Variants in SESN1 observed in about 807,000 individuals in gnomAD.
SESN1 encodes sestrin-1.
SESN1 carries 30 observed loss-of-function variants against 59.3 expected under a neutral mutation model. The observed-to-expected ratio is 0.51, with a 90% confidence interval of 0.38 to 0.69. The LOEUF is 0.69. SESN1 is among the 30% of genes least tolerant of loss of function. The probability of loss-of-function intolerance (pLI) is 0.00; values close to 1 mark genes in which losing one functional copy is unlikely to be tolerated. For synonymous variants in SESN1, 197 were observed against 219.9 expected (o/e 0.90, Z 0.92); for missense variants, 566 against 673.0 (o/e 0.84, Z 1.76).
chr6:109,054,943 A>T (rs1780604728), intron 1 of SESN1, among the ~76,000 whole-genome samples: 1 of 152,234 alleles, frequency 6.6e-6, no homozygotes, highest in African/African-American at 2.4e-5. Flanking sequence ...CAAATTAAAT[A>T]GCAGCTCTAT....
chr6:109,037,270 G>T (rs1362919341), intron 1 of SESN1, among the ~76,000 whole-genome samples: 3 of 152,098 alleles, frequency 2.0e-5, no homozygotes, highest in East Asian at 1.9e-4. Flanking sequence ...GTCCATTAAG[G>T]TTATAAAAAT....
intron 8 of SESN1, 92 bp from the exon 9 acceptor site, chr6:108,988,779 T>C: frequency 9.7e-7 from 1 of 1,026,930 alleles, no homozygotes. Flanking sequence ...TAATACTGTA[T>C]TTTTTCTCTC....
chr6:109,011,501 C>T (rs1779857304), intron 1 of SESN1, among the ~76,000 whole-genome samples: 1 of 152,118 alleles, frequency 6.6e-6, no homozygotes, highest in Non-Finnish European at 1.5e-5. Context: ...TCAAAGAGTA[C>T]TAATTTCTTG....
chr6:108,995,367 T>C (rs1779483285), intron 5 of SESN1, among the ~76,000 whole-genome samples: 1 of 152,232 alleles, frequency 6.6e-6, no homozygotes, highest in Admixed American at 6.5e-5. Flanking sequence ...GCTTTATTTC[T>C]ACAATTTACC....
At chr6:109,002,415 G>A in intron 1 of SESN1, 72 bp from the exon 2 acceptor site, 1 of 1,235,846 alleles carries the variant, frequency 8.1e-7, no homozygotes, top group Non-Finnish European at 1.2e-6. Flanking sequence ...AGGAATGGGA[G>A]GGAAAAACAA....
chr6:108,993,302 T>C (rs964665530), intron 6 of SESN1, among the ~76,000 whole-genome samples: 4 of 152,224 alleles, frequency 2.6e-5, no homozygotes, highest in African/African-American at 9.6e-5. Flanking sequence ...TAATGACATA[T>C]AATATGTAAC....
intron 7 of SESN1, among the ~76,000 whole-genome samples, chr6:108,992,184 A>G (rs1779399947): frequency 6.6e-6 from 1 of 152,162 alleles, no homozygotes; most frequent in African/African-American, 2.4e-5. Context: ...CCGCAGCCTC[A>G]ACCTTCCAGG....
At chr6:109,009,572 G>A in intron 1 of SESN1, 1 of 1,102,026 alleles carries the variant, frequency 9.1e-7, no homozygotes, top group Non-Finnish European at 1.1e-6. Context: ...GCGGGGCGGC[G>A]CCGACAAACA....
chr6:109,088,946 C>T (rs1202559116), intron 1 of SESN1, among the ~76,000 whole-genome samples: 20 of 152,168 alleles, frequency 1.3e-4, no homozygotes. Context: ...AGTACAGTGA[C>T]TGCCTGGCCC....
chr6:109,016,020 A>T (rs1451856538), intron 1 of SESN1, among the ~76,000 whole-genome samples: 3 of 152,224 alleles, frequency 2.0e-5, no homozygotes, highest in Non-Finnish European at 2.9e-5. Context: ...CATTCAAAAT[A>T]GATTAAAACC....
chr6:108,993,122 T>A (rs1779424073), intron 6 of SESN1: 1 of 434,140 alleles, frequency 2.3e-6, no homozygotes, highest in Non-Finnish European at 4.1e-6. Flanking sequence ...GAATTCTCTA[T>A]GCCTTTTATT....
rs774648213 is a variant in SESN1, at chr6:108,985,105, CATGT to C, written c.*2435_*2438del. 2.0e-5 allele frequency among the ~76,000 whole-genome samples: 3 copies of C among 152,060 alleles called. No homozygotes were observed. Among genetic ancestry groups the C allele is most frequent in the Non-Finnish European group, 4.4e-5 (3 of 68,018 alleles). On this transcript the variant is annotated 3_prime_UTR_variant, in exon 10 of 10. Coordinates refer to ENST00000436639, the MANE Select transcript of SESN1 (RefSeq NM_014454.3). ...AAATATGCTAGTAACATTTCTGATT[CATGT>C]ATGATATTCACATATATGAATATGC...
chr6:109,072,863 G>A (rs1405579067), intron 1 of SESN1, among the ~76,000 whole-genome samples: 3 of 151,336 alleles, frequency 2.0e-5, no homozygotes, highest in Non-Finnish European at 4.4e-5. Flanking sequence ...AGTTGACTAC[G>A]GAATCACCAA....
In SESN1 at chr6:108,985,550, CT is replaced by C. The variant is rs1350186408; in HGVS notation, c.*1993del. Among the ~76,000 whole-genome samples the C allele has an allele frequency of 1.3e-5, 2 of 152,154 alleles. No individual in the cohort carries two copies. Among genetic ancestry groups the C allele is most frequent in the Non-Finnish European group, 2.9e-5 (2 of 68,024 alleles). On this transcript the variant is annotated 3_prime_UTR_variant, in exon 10 of 10. Coordinates refer to ENST00000436639, the MANE Select transcript of SESN1 (RefSeq NM_014454.3). ...AAACATTAACTTTGTATCACATGCACTTTTATTACTTTAGGTATAAACATAT... is the reference window on the plus strand; with the variant it reads ...AAACATTAACTTTGTATCACATGCACTTTATTACTTTAGGTATAAACATAT...
intron 1 of SESN1, among the ~76,000 whole-genome samples, chr6:109,056,262 C>T (rs533812851): frequency 1.2e-3 from 181 of 152,118 alleles, no homozygotes; most frequent in Middle Eastern, 6.8e-3. Flanking sequence ...TAAAAATTAG[C>T]GAGGCATGGT....
At chr6:109,063,062 C>T (rs751836405) in intron 1 of SESN1, among the ~76,000 whole-genome samples, 14 of 152,102 alleles carry the variant, frequency 9.2e-5, no homozygotes, top group Non-Finnish European at 1.0e-4. Context: ...GTATACCAAA[C>T]GAATGGGTTA....
chr6:109,045,353 C>G (rs892344123), intron 1 of SESN1, among the ~76,000 whole-genome samples: 6 of 152,156 alleles, frequency 3.9e-5, no homozygotes, highest in Admixed American at 1.3e-4. Context: ...CTAGCCTATT[C>G]TCTACACTGG....
Position 109,056,713 on chromosome 6 carries a change from C to T in SESN1, c.279+37082G>A, listed in dbSNP as rs550058861. On this transcript the variant is annotated intron_variant, in intron 1 of 9. Coordinates refer to ENST00000436639, the MANE Select transcript of SESN1 (RefSeq NM_014454.3). ...TCTGCTAGCACTGTCTCTTTCCTTT[C>T]CTTCTCACTGTGTAGTACATATTTG... 1.8e-3 allele frequency among the ~76,000 whole-genome samples: 269 copies of T among 152,320 alleles called. 2 individuals are homozygous for T. The highest frequency in any genetic ancestry group is 2.5e-3 in the Non-Finnish European group (170 of 68,028).
chr6:109,093,721 A>T (rs1344904080), intron 1 of SESN1, 74 bp downstream of exon 1: 1 of 1,441,102 alleles, frequency 6.9e-7, no homozygotes, highest in Non-Finnish European at 9.5e-7. Flanking sequence ...ATAGAAACAA[A>T]CACAACGTGA....
Sources: gnomAD v4.1 joint callset for allele counts (sites outside exome capture counted in the v4.1 genomes callset) on GRCh38, gnomAD v4.1.1 for gene constraint, MANE v1.5 for transcripts, NCBI Gene and HGNC (gene_info 2026-07-23, HGNC 2026-07-21) for gene names.